Variants in RARB observed in about 807,000 individuals in gnomAD.
RARB encodes retinoic acid receptor beta, also known as HBV-activated protein.
A neutral mutation model predicts 51.9 loss-of-function variants in RARB; 17 were observed. The observed-to-expected ratio is 0.33, with a 90% CI of 0.22 to 0.49. The LOEUF is 0.49. RARB is among the 20% of genes least tolerant of loss of function. RARB has a pLI of 0.99. For missense variants in RARB, 369 were observed against 550.8 expected (o/e 0.67, Z 3.30); for synonymous variants, 215 against 195.4 (o/e 1.10, Z -0.84).
At chr3:25,091,302 G>GGT (rs939681307) in intron 3 of RARB, among the ~76,000 whole-genome samples, 1 of 152,174 alleles carries the variant, frequency 6.6e-6, no homozygotes, top group African/African-American at 2.4e-5. Context: ...TTATGACAAA[G>GGT]GTTGGAAGCT....
At chr3:25,286,904 C>G (rs1012736972) in intron 5 of RARB, among the ~76,000 whole-genome samples, 22 of 152,282 alleles carry the variant, frequency 1.4e-4, no homozygotes, top group African/African-American at 5.1e-4. Context: ...TTCAAGATAT[C>G]TATTTTACAA....
intron 5 of RARB, among the ~76,000 whole-genome samples, chr3:25,297,821 T>C (rs1452175390): frequency 6.6e-6 from 1 of 152,228 alleles, no homozygotes; most frequent in African/African-American, 2.4e-5. Flanking sequence ...CAGAAATTTT[T>C]TGATGTTGTC....
intron 5 of RARB, among the ~76,000 whole-genome samples, chr3:25,248,550 T>C (rs1702626214): frequency 6.6e-6 from 1 of 152,222 alleles, no homozygotes; most frequent in African/African-American, 2.4e-5. Context: ...TTTATACTTT[T>C]GTGAGTTTTC....
chr3:25,270,174 C>A (rs1220355406), intron 5 of RARB, among the ~76,000 whole-genome samples: 1 of 152,176 alleles, frequency 6.6e-6, no homozygotes, highest in Non-Finnish European at 1.5e-5. Context: ...GAGACTCAAA[C>A]AGATATTTTT....
intron 5 of RARB, among the ~76,000 whole-genome samples, chr3:25,207,789 G>C (rs1036081748): frequency 2.6e-5 from 4 of 152,174 alleles, no homozygotes; most frequent in Admixed American, 1.3e-4. Flanking sequence ...TCTTCAGAGG[G>C]ATAGAATGTG....
chr3:24,932,219 G>A (rs1695456056), intron 2 of RARB, among the ~76,000 whole-genome samples: 1 of 151,932 alleles, frequency 6.6e-6, no homozygotes, highest in Non-Finnish European at 1.5e-5. Context: ...TGATCTATAG[G>A]GCAAGCAGAG....
intron 3 of RARB, among the ~76,000 whole-genome samples, chr3:25,567,963 T>C (rs1408899142): frequency 6.6e-6 from 1 of 152,140 alleles, no homozygotes; most frequent in Non-Finnish European, 1.5e-5. Flanking sequence ...CCCCTCATTG[T>C]GTCTCCTTTG....
chr3:25,016,574 C>T (rs1697513572), intron 2 of RARB, among the ~76,000 whole-genome samples: 1 of 152,160 alleles, frequency 6.6e-6, no homozygotes, highest in Admixed American at 6.6e-5. Context: ...TTGTGATTTG[C>T]AGTTTAGAAG....
At chr3:25,596,157 A>T (rs1701817689) in intron 7 of RARB, among the ~76,000 whole-genome samples, 1 of 152,146 alleles carries the variant, frequency 6.6e-6, no homozygotes, top group Non-Finnish European at 1.5e-5. Context: ...ACCCAATCTA[A>T]CTAACTTTGC....
intron 2 of RARB, among the ~76,000 whole-genome samples, chr3:25,010,859 T>G (rs1272796531): frequency 2.0e-5 from 3 of 152,134 alleles, no homozygotes; most frequent in Non-Finnish European, 2.9e-5. Context: ...TTTTTGATAT[T>G]CATGTAATTC....
chr3:24,999,062 C>T (rs1400062280), intron 2 of RARB, among the ~76,000 whole-genome samples: 1 of 152,122 alleles, frequency 6.6e-6, no homozygotes, highest in Admixed American at 6.6e-5. Flanking sequence ...TGGTCAATCT[C>T]ACTCAAGTGT....
At chr3:24,833,240 C>G (rs1702303912) in intron 1 of RARB, 1 of 152,260 alleles carries the variant, frequency 6.6e-6, no homozygotes, top group South Asian at 2.1e-4. Context: ...CTGTTGGCAT[C>G]TTTCAGTGAC....
At chr3:25,406,073 T>C (rs1370369877) in intron 5 of RARB, among the ~76,000 whole-genome samples, 2 of 152,222 alleles carry the variant, frequency 1.3e-5, no homozygotes, top group Non-Finnish European at 2.9e-5. Context: ...TTTTTTCTTA[T>C]TACTTTCTTT....
chr3:25,336,782 G>A (rs1705076113), intron 5 of RARB, among the ~76,000 whole-genome samples: 1 of 152,134 alleles, frequency 6.6e-6, no homozygotes. Context: ...GAGAATTGGG[G>A]TTTTTCCAAG....
At chr3:24,896,774 G>A (rs1703488528) in intron 2 of RARB, among the ~76,000 whole-genome samples, 1 of 152,180 alleles carries the variant, frequency 6.6e-6, no homozygotes, top group South Asian at 2.1e-4. Context: ...CTAGAGAGTT[G>A]TGTTTGAAAC....
chr3:25,341,641 T>G (rs1172329254), intron 5 of RARB, among the ~76,000 whole-genome samples: 3 of 152,214 alleles, frequency 2.0e-5, no homozygotes, highest in Middle Eastern at 6.8e-3. Context: ...CTGGGGATAA[T>G]TTTGCCCCCA....
At chr3:25,106,287 A>T (rs1419389099) in intron 3 of RARB, among the ~76,000 whole-genome samples, 1 of 32,904 alleles carries the variant, frequency 3.0e-5, no homozygotes, top group Non-Finnish European at 5.8e-5. Flanking sequence ...AAATTCTTTT[A>T]TTTTTTTTGA....
At chr3:25,344,105 C>G (rs1003753958) in intron 5 of RARB, among the ~76,000 whole-genome samples, 1 of 152,158 alleles carries the variant, frequency 6.6e-6, no homozygotes, top group Non-Finnish European at 1.5e-5. Context: ...CTTTAAATGA[C>G]TTGTGTCACT....
chr3:24,943,965 T>C (rs533740324), intron 2 of RARB, among the ~76,000 whole-genome samples: 66 of 152,334 alleles, frequency 4.3e-4, no homozygotes, highest in African/African-American at 1.5e-3. Flanking sequence ...TGGTTCCGAT[T>C]CAGAGCAAGA....
Sources: gnomAD v4.1 joint callset for allele counts (sites outside exome capture counted in the v4.1 genomes callset) on GRCh38, gnomAD v4.1.1 for gene constraint, MANE v1.5 for transcripts, NCBI Gene and HGNC (gene_info 2026-07-23, HGNC 2026-07-21) for gene names.